Variants in ANKFY1 observed in about 807,000 individuals in gnomAD.
ANKFY1 encodes ankyrin repeat and FYVE domain containing 1.
Under a neutral mutation model 128.3 loss-of-function variants are expected in ANKFY1, and 47 were observed. The ratio of observed to expected loss-of-function variants is 0.37; its 90% CI spans 0.29 to 0.47. The LOEUF is 0.47. ANKFY1 is among the 20% of genes least tolerant of loss of function. ANKFY1 has a pLI of 1.00. For missense variants in ANKFY1, 1,222 were observed against 1,510.6 expected, an observed-to-expected ratio of 0.81 and a Z score of 3.17; for synonymous variants, 553 against 601.6, an observed-to-expected ratio of 0.92 and a Z score of 1.18.
chr17:4,199,516 CA>C (rs1355982706), intron 7 of ANKFY1, among the ~76,000 whole-genome samples: 3 of 152,126 alleles, frequency 2.0e-5, no homozygotes, highest in African/African-American at 7.2e-5. Flanking sequence ...TTAATAGTTT[CA>C]TTTACCATCT....
chr17:4,238,768 GTTTT>G (rs199875308), intron 2 of ANKFY1, among the ~76,000 whole-genome samples: 1 of 144,794 alleles, frequency 6.9e-6, no homozygotes, highest in Non-Finnish European at 1.5e-5. Flanking sequence ...ACCCAGCCTT[GTTTT>G]TTTTTTAGAC....
chr17:4,218,333 TTAAA>T (rs1299325395), intron 3 of ANKFY1, among the ~76,000 whole-genome samples: 1 of 152,206 alleles, frequency 6.6e-6, no homozygotes, highest in Admixed American at 6.5e-5. Flanking sequence ...GGAGAACTAA[TTAAA>T]TAAATTACAA....
At chr17:4,212,429 A>C (rs2060149414) in intron 4 of ANKFY1, among the ~76,000 whole-genome samples, 1 of 152,238 alleles carries the variant, frequency 6.6e-6, no homozygotes, top group South Asian at 2.1e-4. Flanking sequence ...TATTTGAGGA[A>C]TACTTGTGTG....
At chr17:4,222,265 A>G (rs1320054269) in intron 3 of ANKFY1, 2 of 553,118 alleles carry the variant, frequency 3.6e-6, no homozygotes, top group African/African-American at 4.0e-5. Flanking sequence ...CGCGGGGCCC[A>G]GCGTGAGCCT....
At chr17:4,216,934 G>C in intron 4 of ANKFY1, 49 bp downstream of exon 4, 1 of 1,611,756 alleles carries the variant, frequency 6.2e-7, no homozygotes, top group Non-Finnish European at 8.5e-7. Flanking sequence ...CATAATTAAA[G>C]CTCAGCCACC....
At position 4,218,298 on chromosome 17, in the gene ANKFY1, A is replaced by G. The variant is rs1173810251; in HGVS notation, c.323-1180T>C. Among the ~76,000 whole-genome samples the G allele has an allele frequency of 2.0e-5, 3 of 152,254 alleles. No individual in the cohort carries two copies. In the East Asian group the frequency reaches 5.8e-4, roughly 29 times the overall value. On this transcript the variant is annotated intron_variant, in intron 3 of 24. Coordinates refer to ENST00000341657, the MANE Select transcript of ANKFY1 (RefSeq NM_001330063.2). ...ACAATATTATTAATGAAGAACTAGA[A>G]CAAAAATCGTAAGAGTCCAACAATG...
intron 7 of ANKFY1, among the ~76,000 whole-genome samples, chr17:4,201,959 C>T (rs555912012): frequency 1.1e-4 from 17 of 152,260 alleles, no homozygotes; most frequent in Non-Finnish European, 2.2e-4. Flanking sequence ...ATCCTAGAGA[C>T]GGCCACTTAC....
At position 4,185,454 on chromosome 17, in the gene ANKFY1, C is replaced by T. The variant is rs758125314; in HGVS notation, c.1471-408G>A. ...TCCTGACCTTGTGATCCACCCAACT[C>T]GGACTCCCAAAGTGCTGGGATTACA... On this transcript the variant is annotated intron_variant, in intron 11 of 24. Transcript: ENST00000341657. Among the ~76,000 whole-genome samples, 6 of 152,130 alleles carry T rather than the reference C, an allele frequency of 3.9e-5. 1 individual carries two copies. The highest frequency in any genetic ancestry group is 1.4e-4 in the African/African-American group (6 of 41,448).
intron 11 of ANKFY1, chr17:4,187,226 C>A: frequency 2.5e-6 from 1 of 401,968 alleles, no homozygotes. Context: ...AGCTCTCTTG[C>A]CCTCGCTTCT....
intron 2 of ANKFY1, among the ~76,000 whole-genome samples, chr17:4,240,241 T>C (rs1052300978): frequency 2.8e-4 from 42 of 151,352 alleles, no homozygotes; most frequent in African/African-American, 9.5e-4. Context: ...ATTTTTTTTA[T>C]TTTTAGTAGA....
chr17:4,232,857 C>T (rs553735427), intron 3 of ANKFY1, among the ~76,000 whole-genome samples: 1 of 152,080 alleles, frequency 6.6e-6, no homozygotes, highest in Non-Finnish European at 1.5e-5. Context: ...TGTGTTGTGT[C>T]GTTTTGTTTC....
At position 4,178,880 on chromosome 17, in the gene ANKFY1, G is replaced by A; in HGVS notation, c.2575C>T (p.Arg859Ter). Residue 859 changes from arginine (R) to a stop codon, truncating the protein, a stop_gained, in exon 18 of 25, where the codon CGA becomes TGA. Coordinates refer to ENST00000341657, the MANE Select transcript of ANKFY1 (RefSeq NM_001330063.2). LOFTEE classifies it high-confidence loss of function. The surrounding 1 kb of genome is among the most constrained non-coding windows in gnomAD (Gnocchi z 4.1). Reference protein sequence around the residue: ...NNKSAEAILKRESGAAEQVDN... With the variant: ...NNKSAEAILK ...ACCTGCTCAGCAGCCCCGGACTCTC[G>A]TTTGAGAATGGCCTCGGCTGACTTG... is the stretch of plus-strand genomic sequence containing the variant. 1.2e-6 allele frequency: 2 copies of A among 1,614,230 alleles called. No individual in the cohort carries two copies. The highest frequency in any genetic ancestry group is 1.7e-6 in the Non-Finnish European group (2 of 1,180,050).
chr17:4,263,588 G>A (rs763026168), intron 1 of ANKFY1: 360 of 1,534,636 alleles, frequency 2.3e-4, no homozygotes, highest in Admixed American at 7.5e-4. Context: ...CTAAGGAGAA[G>A]GCTTACTTCC....
In ANKFY1 at chr17:4,166,731, A is replaced by C. The variant is rs2059217739; in HGVS notation, c.*1048T>G. 1 of 152,300 alleles carries C rather than the reference A, an allele frequency of 6.6e-6. No individual in the cohort carries two copies. The highest frequency in any genetic ancestry group is 2.4e-5 in the African/African-American group (1 of 41,472). The allele number at this position is 152,300 out of a possible 1,614,324, so 9.4% of individuals were successfully genotyped here. ...ATTTCAGCAAGAAGCATTTGTGTCA[A>C]GGACATAGGACCTGCCGGCCTGAGG... On this transcript the variant is annotated 3_prime_UTR_variant, in exon 25 of 25. Coordinates refer to ENST00000341657, the MANE Select transcript of ANKFY1 (RefSeq NM_001330063.2).
intron 3 of ANKFY1, among the ~76,000 whole-genome samples, chr17:4,224,214 G>GT (rs33995900): frequency 0.017 from 1,118 of 66,752 alleles, 268 homozygotes; most frequent in African/African-American, 0.061. Context: ...CACCTTTGAA[G>GT]TTTTTTTTTT....
chr17:4,167,802 G>C lies in ANKFY1; in HGVS notation c.3487C>G (p.Leu1163Val). The stretch of plus-strand genomic sequence containing the variant: ...CACTAAGAAACCCCACCCAGAGTCA[G>C]TACATCAAAACAAATGTTGCAAACC... ...VRVCNICFDVLTLGGVS is the reference protein window; with the variant it reads ...VRVCNICFDVVTLGGVS Residue 1163 changes from leucine to valine, a missense_variant, in exon 25 of 25, where the codon CTG becomes GTG. Coordinates refer to ENST00000341657, the MANE Select transcript of ANKFY1 (RefSeq NM_001330063.2). The surrounding 1 kb of genome is among the most constrained non-coding windows in gnomAD (Gnocchi z 4.1). The C allele has an allele frequency of 6.2e-7, 1 of 1,613,770 alleles. No individual in the cohort carries two copies. The highest frequency in any genetic ancestry group is 8.5e-7 in the Non-Finnish European group (1 of 1,179,796).
At chr17:4,212,935 T>A (rs2060159505) in intron 4 of ANKFY1, among the ~76,000 whole-genome samples, 2 of 151,404 alleles carry the variant, frequency 1.3e-5, no homozygotes, top group South Asian at 4.2e-4. Flanking sequence ...CACACCCAGC[T>A]AATTTTTGTA....
At chr17:4,252,412 T>G (rs1248204764) in intron 1 of ANKFY1, among the ~76,000 whole-genome samples, 1 of 151,868 alleles carries the variant, frequency 6.6e-6, no homozygotes, top group Non-Finnish European at 1.5e-5. Context: ...ACAAAAAAAT[T>G]TTAAAAATTA....
chr17:4,181,197 G>A lies in ANKFY1; in HGVS notation c.2240+57C>T. The A allele has an allele frequency of 1.4e-6, 2 of 1,404,208 alleles. No individual in the cohort carries two copies. The highest frequency in any genetic ancestry group is 2.0e-6 in the Non-Finnish European group (2 of 991,502). The allele number at this position is 1,404,208 out of a possible 1,614,324, so 87.0% of individuals were successfully genotyped here. Reference sequence around the variant, plus strand: ...TATAGACGGATTTAAAAAGGAAAGAGCCAGTTTGCAACAAGCTCACTAAAA... The same window carrying A: ...TATAGACGGATTTAAAAAGGAAAGAACCAGTTTGCAACAAGCTCACTAAAA... On this transcript the variant is annotated intron_variant, in intron 16 of 24. Transcript: ENST00000341657. The surrounding 1 kb of genome is among the most constrained non-coding windows in gnomAD (Gnocchi z 4.9).
Sources: allele counts gnomAD v4.1 joint callset (sites outside exome capture counted in the v4.1 genomes callset), GRCh38; gene constraint gnomAD v4.1.1; non-coding constraint Gnocchi (gnomAD v3.1); transcripts MANE v1.5; gene names NCBI Gene and HGNC (gene_info 2026-07-23, HGNC 2026-07-21).